The following CES3 variants were observed in gnomAD, a reference collection of about 807,000 sequenced individuals.
CES3 encodes carboxylesterase 3 (brain).
A neutral mutation model predicts 57.6 loss-of-function variants in CES3; 49 were observed. The observed-to-expected ratio is 0.85, with a 90% CI of 0.68 to 1.08. The LOEUF (loss-of-function observed/expected upper bound fraction) is 1.08. Ranked by LOEUF, CES3 falls within the 50% of genes least tolerant of loss-of-function variation. CES3 has a pLI of 0.00. For synonymous variants in CES3, 266 were observed against 281.6 expected (o/e 0.94, Z 0.55); for missense variants, 645 against 742.0 (o/e 0.87, Z 1.52).
At chr16:66,967,475 G>T (rs910532674) in intron 8 of CES3, 2 of 985,452 alleles carry the variant, frequency 2.0e-6, no homozygotes, top group Non-Finnish European at 2.4e-6. Context: ...AGACTGGTTA[G>T]TGTGACTCTG....
chr16:66,969,065 G>A (rs528383444), intron 8 of CES3, among the ~76,000 whole-genome samples: 45 of 152,144 alleles, frequency 3.0e-4, no homozygotes, highest in African/African-American at 1.0e-3. Context: ...TCTGCCTGGC[G>A]TGGAAGGCTG....
rs770042127 is a variant in CES3 at position 66,972,714 on chromosome 16, G to T, written c.1488G>T (p.Met496Ile). The change falls in exon 12 of 13, where the codon ATG becomes ATT. Residue 496 changes from methionine to isoleucine, a missense_variant. Transcript: ENST00000303334. ...TEEEKQLSLT[M>I]MAQWTHFART... The stretch of plus-strand genomic sequence containing the variant: ...AGGAGAAGCAGCTAAGCCTCACCAT[G>T]ATGGCCCAGTGGACCCACTTTGCCC... The T allele has an allele frequency of 3.7e-6, 6 of 1,614,092 alleles. No individual in the cohort carries two copies. Among genetic ancestry groups the T allele is most frequent in the Admixed American group, 3.3e-5 (2 of 60,002 alleles).
chr16:66,969,519 G>A (rs1448322883), intron 8 of CES3, among the ~76,000 whole-genome samples, 160 bp from the exon 9 acceptor site: 1 of 152,206 alleles, frequency 6.6e-6, no homozygotes, highest in African/African-American at 2.4e-5. Flanking sequence ...CCAATTTGCG[G>A]TTTATCTTTT....
At position 66,964,716 on chromosome 16, in the gene CES3, C is replaced by T; in HGVS notation, c.808C>T (p.Pro270Ser). ...TPGIIDSHPW[P>S]LAQKIANTLA... The stretch of plus-strand genomic sequence containing the variant: ...AGGGATCATCGACTCTCACCCTTGG[C>T]CCCTAGCTCAGGTCTGTATTTCCTT... The change falls in exon 6 of 13, where the codon CCC becomes TCC. Residue 270 changes from proline to serine, a missense_variant. Coordinates refer to ENST00000303334, the MANE Select transcript of CES3 (RefSeq NM_024922.6). 1 of 1,613,644 alleles carries T rather than the reference C, an allele frequency of 6.2e-7. No homozygotes were observed. Among genetic ancestry groups the T allele is most frequent in the Non-Finnish European group, 8.5e-7 (1 of 1,179,638 alleles).
rs547957830 is a variant in CES3, at chr16:66,967,577, A to G, written c.1062+712A>G. On this transcript the variant is annotated intron_variant, in intron 8 of 12. Transcript: ENST00000303334. ...GTCCCTTCCATTCCTTTCCAGGTGC[A>G]TAGAACTTCCCACAAGAGTGTCAGC... 2.0e-5 allele frequency: 20 copies of G among 985,412 alleles called. No homozygotes were observed. In the African/African-American group the frequency reaches 3.5e-4, roughly 17 times the overall value. 61.0% of individuals were successfully genotyped at this position (985,412 alleles called of 1,614,324 possible).
intron 8 of CES3, chr16:66,967,476 T>G: frequency 8.1e-6 from 8 of 985,686 alleles, no homozygotes; most frequent in Non-Finnish European, 9.6e-6. Flanking sequence ...GACTGGTTAG[T>G]GTGACTCTGT....
At chr16:66,965,998 C>G (rs35828662) in intron 6 of CES3, among the ~76,000 whole-genome samples, 90 of 152,204 alleles carry the variant, frequency 5.9e-4, no homozygotes, top group Admixed American at 1.2e-3. Context: ...GGACTCAGTG[C>G]CCCCATTCCC....
chr16:66,961,281 G>T lies in CES3; in HGVS notation c.-27G>T, dbSNP rs754987459. On this transcript the variant is annotated 5_prime_UTR_variant, in exon 1 of 13. Transcript: ENST00000303334. ...CAGGGATCTTATTCCACCTTCTGAA[G>T]CTTCTGTCGAACCAGTTGTAAGGAG... 1.4e-5 allele frequency: 23 copies of T among 1,595,772 alleles called. No homozygotes were observed. Among genetic ancestry groups the T allele is most frequent in the Non-Finnish European group, 1.9e-5 (22 of 1,164,306 alleles).
At chr16:66,966,485 G>T in intron 7 of CES3, 140 bp downstream of exon 7, 1 of 920,214 alleles carries the variant, frequency 1.1e-6, no homozygotes. Context: ...TGAGGGCTTG[G>T]AGACAGAAAT....
Position 66,963,940 on chromosome 16 carries a change from G to C in CES3, c.560+5G>C. The C allele has an allele frequency of 6.2e-7, 1 of 1,612,002 alleles. No individual in the cohort carries two copies. The highest frequency in any genetic ancestry group is 8.5e-7 in the Non-Finnish European group (1 of 1,178,472). Reference sequence around the variant, plus strand: ...TGGGGTCCTTGGCTTCTTCAGGTGAGACGACAGGCATGGCCAGAGCACTGC... The same window carrying C: ...TGGGGTCCTTGGCTTCTTCAGGTGACACGACAGGCATGGCCAGAGCACTGC... On this transcript the variant is annotated splice_donor_5th_base_variant and intron_variant, in intron 4 of 12. Transcript: ENST00000303334. This position sits in a 1 kb window ranked among gnomAD's most constrained non-coding sequence, Gnocchi z 4.9.
Position 66,964,746 on chromosome 16 carries a change from C to A in CES3, c.819+19C>A. 1 of 1,602,708 alleles carries A rather than the reference C, an allele frequency of 6.2e-7. No individual in the cohort carries two copies. The highest frequency in any genetic ancestry group is 8.5e-7 in the Non-Finnish European group (1 of 1,170,716). ...AGCTCAGGTCTGTATTTCCTTCCCT[C>A]TCTTACTCTATGTGTGCCTCCCATA... On this transcript the variant is annotated intron_variant, in intron 6 of 12. Coordinates refer to ENST00000303334, the MANE Select transcript of CES3 (RefSeq NM_024922.6).
At position 66,974,749 on chromosome 16, in the gene CES3, C is replaced by G. The variant is rs559290443; in HGVS notation, c.*1700C>G. On this transcript the variant is annotated 3_prime_UTR_variant, in exon 13 of 13. Coordinates refer to ENST00000303334, the MANE Select transcript of CES3 (RefSeq NM_024922.6). ...TCTAGCTAAGGGATTGTAAATACAC[C>G]GATGGGCACTCTGTATCTAGCTCAA... 2.0e-5 allele frequency: 3 copies of G among 152,412 alleles called. No homozygotes were observed. Among genetic ancestry groups the G allele is most frequent in the Admixed American group, 2.0e-4 (3 of 15,278 alleles). The allele number at this position is 152,412 out of a possible 1,614,324, so 9.4% of individuals were successfully genotyped here. A position where few individuals can be genotyped will look rare whatever the true frequency, so the allele number is the denominator to read the frequency against.
Position 66,964,666 on chromosome 16 carries a change from C to T in CES3, c.758C>T (p.Thr253Ile), listed in dbSNP as rs750607823. The T allele has an allele frequency of 6.2e-7, 1 of 1,614,142 alleles. No homozygotes were observed. The highest frequency in any genetic ancestry group is 2.2e-5 in the East Asian group (1 of 44,858). ...VAAGLFHRAITQSGVITTPGI... is the reference protein window; with the variant it reads ...VAAGLFHRAIIQSGVITTPGI... ...GCAGGGCTGTTCCACAGAGCCATCACACAGAGTGGGGTCATCACCACCCCA... is the reference window on the plus strand; with the variant it reads ...GCAGGGCTGTTCCACAGAGCCATCATACAGAGTGGGGTCATCACCACCCCA... Residue 253 changes from threonine to isoleucine, a missense_variant, in exon 6 of 13, where the codon ACA becomes ATA. Thr to Ile is a moderately conservative substitution (Grantham distance 89, BLOSUM62 -1). Coordinates refer to ENST00000303334, the MANE Select transcript of CES3 (RefSeq NM_024922.6).
chr16:66,971,739 C>T (rs891697856), intron 10 of CES3, among the ~76,000 whole-genome samples: 61 of 152,264 alleles, frequency 4.0e-4, no homozygotes, highest in African/African-American at 1.4e-3. Context: ...AAGATACCTA[C>T]CCCCTCTGAG....
In CES3 at chr16:66,964,608, C is replaced by A; in HGVS notation, c.715-15C>A. The A allele has an allele frequency of 6.2e-7, 1 of 1,613,468 alleles. No individual in the cohort carries two copies. The highest frequency in any genetic ancestry group is 1.1e-5 in the South Asian group (1 of 91,008). On this transcript the variant is annotated splice_polypyrimidine_tract_variant and intron_variant, in intron 5 of 12. Coordinates refer to ENST00000303334, the MANE Select transcript of CES3 (RefSeq NM_024922.6). ...CCCTCCTCTGACAGCCACCTCCTCT[C>A]TCCAATGCACCCAGGTCCTGTCCCC...
At chr16:66,966,173 TG>T in intron 6 of CES3, 70 bp from the exon 7 acceptor site, 1 of 1,376,944 alleles carries the variant, frequency 7.3e-7, no homozygotes, top group Non-Finnish European at 1.0e-6. Context: ...ACCCTCTCTG[TG>T]GGAGGCAGAA....
Position 66,963,825 on chromosome 16 carries a change from CGCTCTG to C in CES3, c.451_456del (p.Ala151_Leu152del). On this transcript the variant is annotated inframe_deletion, in exon 4 of 13. Coordinates refer to ENST00000303334, the MANE Select transcript of CES3 (RefSeq NM_024922.6). This position sits in a 1 kb window ranked among gnomAD's most constrained non-coding sequence, Gnocchi z 4.9. ...AGGTCATGGTATGGGTCCATGGAGG[CGCTCTG>C]ATAACTGGCGCTGCCACCTCCTACG... 6.2e-7 allele frequency: 1 copy of C among 1,614,130 alleles called. No homozygotes were observed. The highest frequency in any genetic ancestry group is 8.5e-7 in the Non-Finnish European group (1 of 1,179,962).
chr16:66,962,723 C>T (rs1400392345), intron 1 of CES3, among the ~76,000 whole-genome samples: 3 of 152,116 alleles, frequency 2.0e-5, no homozygotes, highest in African/African-American at 7.2e-5. Flanking sequence ...ATGATGAAAC[C>T]CCGTCTCTAC....
At position 66,972,506 on chromosome 16, in the gene CES3, G is replaced by T. The variant is rs1410467113; in HGVS notation, c.1441+1G>T. 6.2e-7 allele frequency: 1 copy of T among 1,611,750 alleles called. No homozygotes were observed. Among genetic ancestry groups the T allele is most frequent in the African/African-American group, 1.3e-5 (1 of 74,836 alleles). ...CTCATGGACGAGAGCTCCCGCCTGGGTGAGGACAGACAGACAGACATGTGA... is the reference window on the plus strand; with the variant it reads ...CTCATGGACGAGAGCTCCCGCCTGGTTGAGGACAGACAGACAGACATGTGA... On this transcript the variant is annotated splice_donor_variant, in intron 11 of 12. Transcript: ENST00000303334. LOFTEE classifies it high-confidence loss of function.
Sources: allele counts gnomAD v4.1 joint callset (sites outside exome capture counted in the v4.1 genomes callset), GRCh38; gene constraint gnomAD v4.1.1; non-coding constraint Gnocchi (gnomAD v3.1); transcripts MANE v1.5; gene names NCBI Gene and HGNC (gene_info 2026-07-23, HGNC 2026-07-21).